The following DENND1A variants were observed in gnomAD, a reference collection of about 807,000 sequenced individuals.
The protein encoded by DENND1A is DENN domain-containing protein 1A.
A neutral mutation model predicts 113.7 loss-of-function variants in DENND1A; 51 were observed. The observed-to-expected ratio is 0.45, with a 90% CI of 0.36 to 0.57. The LOEUF (loss-of-function observed/expected upper bound fraction) is 0.57. Among genes scored for constraint, DENND1A ranks in the 20% least tolerant of loss-of-function variants. The pLI is 0.00. For synonymous variants in DENND1A, 565 were observed against 570.8 expected (o/e 0.99, Z 0.14); for missense variants, 1,258 against 1,395.9 (o/e 0.90, Z 1.57).
At chr9:123,863,850 C>A (rs1372537831) in intron 2 of DENND1A, among the ~76,000 whole-genome samples, 1 of 152,150 alleles carries the variant, frequency 6.6e-6, no homozygotes. Context: ...TGAGTATGGG[C>A]ACAAGAACTA....
chr9:123,792,461 C>A, intron 3 of DENND1A, 126 bp downstream of exon 3: 1 of 962,272 alleles, frequency 1.0e-6, no homozygotes, highest in South Asian at 2.1e-5. Context: ...TCTTTGGTTC[C>A]TAATTACTGC....
At chr9:123,503,235 G>A (rs964806625) in intron 13 of DENND1A, among the ~76,000 whole-genome samples, 4 of 152,174 alleles carry the variant, frequency 2.6e-5, no homozygotes, top group African/African-American at 9.7e-5. Context: ...ATGTGACCTT[G>A]GCATAGTCAA....
At chr9:123,567,939 C>T (rs1727295627) in intron 12 of DENND1A, among the ~76,000 whole-genome samples, 1 of 152,206 alleles carries the variant, frequency 6.6e-6, no homozygotes, top group Non-Finnish European at 1.5e-5. Flanking sequence ...GCTTGGGGCA[C>T]TTGGGTTGTA....
intron 5 of DENND1A, among the ~76,000 whole-genome samples, chr9:123,681,471 G>A (rs1048996702): frequency 2.0e-5 from 3 of 152,084 alleles, no homozygotes; most frequent in Admixed American, 1.3e-4. Context: ...GGAGGGTGGC[G>A]CTGTGTAGGA....
intron 18 of DENND1A, among the ~76,000 whole-genome samples, chr9:123,448,429 G>A (rs887575930): frequency 6.6e-6 from 1 of 152,214 alleles, no homozygotes; most frequent in African/African-American, 2.4e-5. Context: ...TCTGACCAAT[G>A]AGGGCGCATG....
intron 2 of DENND1A, among the ~76,000 whole-genome samples, chr9:123,862,751 G>A (rs1845225881): frequency 1.3e-5 from 2 of 152,140 alleles, no homozygotes; most frequent in Non-Finnish European, 2.9e-5. Flanking sequence ...CAGTACCAAA[G>A]ATTTGGCCAC....
At chr9:123,718,653 A>G (rs1460052062) in intron 5 of DENND1A, among the ~76,000 whole-genome samples, 1 of 152,206 alleles carries the variant, frequency 6.6e-6, no homozygotes, top group Non-Finnish European at 1.5e-5. Context: ...GAACACTGGA[A>G]CGATTCTCTT....
intron 9 of DENND1A, among the ~76,000 whole-genome samples, chr9:123,637,400 C>T (rs2061761416): frequency 6.6e-6 from 1 of 152,188 alleles, no homozygotes; most frequent in East Asian, 1.9e-4. Flanking sequence ...AATTATAAAC[C>T]ATCTTCGTAG....
At chr9:123,711,486 A>AATATATATATATATATATGTATATATGT (rs2066588640) in intron 5 of DENND1A, among the ~76,000 whole-genome samples, 7 of 101,790 alleles carry the variant, frequency 6.9e-5, no homozygotes, top group Non-Finnish European at 1.4e-4. Context: ...TAAATTAAAA[A>AATATATATATATATATATGTATATATGT]ATATATATAT....
intron 13 of DENND1A, among the ~76,000 whole-genome samples, chr9:123,519,367 C>A (rs2772216): frequency 0.56 from 85,397 of 151,654 alleles, 26,418 homozygotes; most frequent in East Asian, 0.71. Flanking sequence ...TTTGTTCATG[C>A]CTCCCTCCTC....
At chr9:123,442,316 T>G (rs925214622) in intron 18 of DENND1A, among the ~76,000 whole-genome samples, 1 of 152,056 alleles carries the variant, frequency 6.6e-6, no homozygotes, top group African/African-American at 2.4e-5. Context: ...GATCAACCAG[T>G]CTCAGCCAGG....
chr9:123,505,978 A>T (rs913914318), intron 13 of DENND1A, among the ~76,000 whole-genome samples: 2 of 152,160 alleles, frequency 1.3e-5, no homozygotes, highest in Middle Eastern at 3.4e-3. Flanking sequence ...AACGTGAGTG[A>T]GTGTGCCCCC....
intron 13 of DENND1A, among the ~76,000 whole-genome samples, chr9:123,462,998 C>T (rs931107153): frequency 7.9e-5 from 12 of 152,106 alleles, no homozygotes; most frequent in African/African-American, 2.9e-4. Context: ...AATGGCGGCC[C>T]CCACTCCATT....
chr9:123,672,407 GAA>G (rs543262532), intron 6 of DENND1A, among the ~76,000 whole-genome samples: 9 of 148,514 alleles, frequency 6.1e-5, no homozygotes, highest in African/African-American at 2.2e-4. Context: ...AGAAATTGTT[GAA>G]AAAAAAAAGT....
chr9:123,457,066 A>C (rs1266186150), intron 15 of DENND1A: 1 of 302,040 alleles, frequency 3.3e-6, no homozygotes, highest in Non-Finnish European at 6.2e-6. Flanking sequence ...CTCCTAACTG[A>C]ATACTGCATG....
intron 15 of DENND1A, among the ~76,000 whole-genome samples, chr9:123,457,085 A>G (rs1411170989): frequency 6.6e-6 from 1 of 152,226 alleles, no homozygotes; most frequent in Non-Finnish European, 1.5e-5. Context: ...TGTGCTTCCC[A>G]GTGGACCACG....
intron 5 of DENND1A, among the ~76,000 whole-genome samples, chr9:123,735,469 T>C (rs1222777292): frequency 1.3e-5 from 2 of 152,178 alleles, no homozygotes; most frequent in African/African-American, 4.8e-5. Flanking sequence ...TGCACTCACT[T>C]GCAGAGACTT....
At chr9:123,618,773 G>A (rs990074382) in intron 10 of DENND1A, among the ~76,000 whole-genome samples, 11 of 152,182 alleles carry the variant, frequency 7.2e-5, no homozygotes, top group Admixed American at 5.9e-4. Flanking sequence ...GAGTGACACT[G>A]CTGAGGCCAG....
chr9:123,654,697 T>C (rs2139495804), intron 8 of DENND1A, among the ~76,000 whole-genome samples: 1 of 152,380 alleles, frequency 6.6e-6, no homozygotes, highest in South Asian at 2.1e-4. Flanking sequence ...TGTACTTTTT[T>C]TGGTATTTCT....
Sources: allele counts gnomAD v4.1 joint callset (sites outside exome capture counted in the v4.1 genomes callset), GRCh38; gene constraint gnomAD v4.1.1; transcripts MANE v1.5; gene names NCBI Gene and HGNC (gene_info 2026-07-23, HGNC 2026-07-21).